P3H2: variants seen among roughly 807,000 people sequenced by gnomAD.
P3H2 encodes the protein leprecan-like 1.
A neutral mutation model predicts 87.0 loss-of-function variants in P3H2; 80 were observed. The ratio of observed to expected loss-of-function variants is 0.92; its 90% CI spans 0.77 to 1.11. The LOEUF (loss-of-function observed/expected upper bound fraction) is 1.11. P3H2 is among the 50% of genes least tolerant of loss of function. The probability of loss-of-function intolerance (pLI) is 0.00; values close to 1 mark genes in which losing one functional copy is unlikely to be tolerated. For missense variants in P3H2, 1,001 were observed against 923.9 expected, an observed-to-expected ratio of 1.08 and a Z score of -1.08; for synonymous variants, 367 against 359.3, an observed-to-expected ratio of 1.02 and a Z score of -0.24.
intron 1 of P3H2, among the ~76,000 whole-genome samples, chr3:190,060,800 G>T (rs1726307494): frequency 6.6e-6 from 1 of 152,098 alleles, no homozygotes; most frequent in Admixed American, 6.6e-5. Flanking sequence ...CAAAACCCAT[G>T]TACTAACATG....
intron 1 of P3H2, 64 bp from the exon 2 acceptor site, chr3:189,995,506 C>A: frequency 1.4e-6 from 2 of 1,470,836 alleles, no homozygotes; most frequent in Non-Finnish European, 1.8e-6. Context: ...CAGAGAAATA[C>A]AAAGATCAAT....
At chr3:190,038,946 T>C (rs1725510840) in intron 1 of P3H2, among the ~76,000 whole-genome samples, 1 of 152,166 alleles carries the variant, frequency 6.6e-6, no homozygotes, top group African/African-American at 2.4e-5. Flanking sequence ...TCCCAGCACT[T>C]TGGGAAGCCA....
chr3:189,987,700 T>C, intron 4 of P3H2, 31 bp from the exon 5 acceptor site: 2 of 1,613,706 alleles, frequency 1.2e-6, no homozygotes, highest in South Asian at 1.1e-5. Flanking sequence ...AGCATTAGAG[T>C]CAGCCTAGGT....
intron 1 of P3H2, among the ~76,000 whole-genome samples, chr3:190,082,975 A>G (rs747862446): frequency 2.0e-5 from 3 of 152,220 alleles, no homozygotes; most frequent in Non-Finnish European, 2.9e-5. Flanking sequence ...ATAATACTCC[A>G]AGATTAGGTG....
chr3:190,012,625 T>G (rs961831383), intron 1 of P3H2, among the ~76,000 whole-genome samples: 2 of 152,198 alleles, frequency 1.3e-5, no homozygotes, highest in Non-Finnish European at 2.9e-5. Context: ...CTTTGACTGA[T>G]TATTTCTCAC....
At chr3:190,035,773 G>A (rs571801997) in intron 1 of P3H2, among the ~76,000 whole-genome samples, 1 of 152,054 alleles carries the variant, frequency 6.6e-6, no homozygotes, top group Non-Finnish European at 1.5e-5. Context: ...CCTTCTGTTG[G>A]GCTTTAGGCT....
chr3:190,002,852 T>A (rs1724259365), intron 1 of P3H2, among the ~76,000 whole-genome samples: 1 of 152,240 alleles, frequency 6.6e-6, no homozygotes, highest in Non-Finnish European at 1.5e-5. Flanking sequence ...ATTTAAAATA[T>A]ATACTCCCAT....
intron 1 of P3H2, among the ~76,000 whole-genome samples, chr3:190,057,081 A>C (rs114380352): frequency 0.018 from 2,769 of 152,272 alleles, 88 homozygotes; most frequent in African/African-American, 0.064. Flanking sequence ...GCAGAAGGAG[A>C]ATGACTTGAA....
chr3:190,076,181 G>GCACACA (rs137859647), intron 1 of P3H2, among the ~76,000 whole-genome samples: 1 of 148,466 alleles, frequency 6.7e-6, no homozygotes, highest in Non-Finnish European at 1.5e-5. Context: ...AAACACACAT[G>GCACACA]CACACACACA....
chr3:189,958,066 C>T (rs973993957), intron 14 of P3H2, 62 bp from the exon 15 acceptor site: 38 of 1,252,564 alleles, frequency 3.0e-5, no homozygotes, highest in Middle Eastern at 3.7e-4. Context: ...CATCAGCAGA[C>T]GCTTCCCAAA....
intron 3 of P3H2, among the ~76,000 whole-genome samples, chr3:189,991,869 G>A (rs1456665837): frequency 6.6e-6 from 1 of 152,152 alleles, no homozygotes; most frequent in Non-Finnish European, 1.5e-5. Flanking sequence ...GGCATTTGGA[G>A]CAAAACCAGA....
intron 8 of P3H2, among the ~76,000 whole-genome samples, chr3:189,982,820 G>A (rs1407168951): frequency 6.6e-6 from 1 of 152,012 alleles, no homozygotes; most frequent in East Asian, 1.9e-4. Flanking sequence ...GAGTGAATTT[G>A]GAGGCTTTTT....
At chr3:190,006,280 C>A (rs1359433278) in intron 1 of P3H2, among the ~76,000 whole-genome samples, 2 of 152,030 alleles carry the variant, frequency 1.3e-5, no homozygotes, top group African/African-American at 4.8e-5. Context: ...TCATATAGTC[C>A]CACTGTTTCA....
chr3:190,035,532 C>A (rs1335099945), intron 1 of P3H2, among the ~76,000 whole-genome samples: 1 of 152,078 alleles, frequency 6.6e-6, no homozygotes, highest in African/African-American at 2.4e-5. Flanking sequence ...GAATAAATTT[C>A]TCAGGACATC....
Position 189,978,229 on chromosome 3 carries a change from A to G in P3H2, c.1325-3544T>C, listed in dbSNP as rs144628347. On this transcript the variant is annotated intron_variant, in intron 8 of 14. Transcript: ENST00000319332. Reference sequence around the variant, plus strand: ...TTGCCAAGTTTTTCTCTTTTTCTACATTGAAGATGTATTATTTTAAACATA... The same window carrying G: ...TTGCCAAGTTTTTCTCTTTTTCTACGTTGAAGATGTATTATTTTAAACATA... Among the ~76,000 whole-genome samples the G allele has an allele frequency of 9.6e-3, 1,461 of 152,326 alleles. 26 individuals are homozygous for G. The highest frequency in any genetic ancestry group is 0.033 in the African/African-American group (1,390 of 41,576).
intron 1 of P3H2, among the ~76,000 whole-genome samples, chr3:190,032,829 C>T (rs1725295881): frequency 2.0e-5 from 3 of 152,058 alleles, no homozygotes; most frequent in South Asian, 2.1e-4. Flanking sequence ...CCATGCACCA[C>T]GGTGGGGATT....
At chr3:190,080,441 A>G (rs543612133) in intron 1 of P3H2, among the ~76,000 whole-genome samples, 1 of 152,102 alleles carries the variant, frequency 6.6e-6, no homozygotes, top group East Asian at 1.9e-4. Flanking sequence ...CTTGTTGGCC[A>G]GGCTGGTGGA....
At chr3:190,121,154 C>G (rs115691413), upstream of P3H2, 1,795 of 168,490 alleles carry the variant, frequency 0.011, 28 homozygotes, top group African/African-American at 0.036. Context: ...TAAAGAAAAT[C>G]CAGCTTAGCA....
intron 1 of P3H2, among the ~76,000 whole-genome samples, chr3:190,079,352 A>C (rs1194340436): frequency 6.7e-6 from 1 of 148,924 alleles, no homozygotes; most frequent in Non-Finnish European, 1.5e-5. Context: ...AAATAAATAA[A>C]TAAATAAATA....
Sources: allele counts gnomAD v4.1 joint callset (sites outside exome capture counted in the v4.1 genomes callset), GRCh38; gene constraint gnomAD v4.1.1; transcripts MANE v1.5; gene names NCBI Gene and HGNC (gene_info 2026-07-23, HGNC 2026-07-21).